Variants in CDH13 observed in about 807,000 individuals in gnomAD.
CDH13 encodes cadherin-13.
CDH13 carries 24 observed loss-of-function variants against 63.8 expected under a neutral mutation model. The observed-to-expected ratio is 0.38, with a 90% CI of 0.27 to 0.53. CDH13 has a LOEUF of 0.53. Among genes scored for constraint, CDH13 ranks in the 20% least tolerant of loss-of-function variants. CDH13 has a pLI of 0.85. For missense variants in CDH13, 1,049 were observed against 903.1 expected (o/e 1.16, Z -2.07); for synonymous variants, 503 against 355.3 (o/e 1.42, Z -4.67).
intron 6 of CDH13, among the ~76,000 whole-genome samples, chr16:83,406,845 T>C (rs1471984471): frequency 6.6e-6 from 1 of 152,222 alleles, no homozygotes; most frequent in Non-Finnish European, 1.5e-5. Flanking sequence ...TCAATGAAGA[T>C]AGCAGAATCT....
rs1246616749 is a variant in CDH13, at chr16:83,779,896, T to C, written c.1682-72T>C. 25 of 979,952 alleles carry C rather than the reference T, an allele frequency of 2.6e-5. No individual in the cohort carries two copies. In the South Asian group the frequency reaches 3.5e-4, roughly 14 times the overall value. The allele number at this position is 979,952 out of a possible 1,614,324, so 60.7% of individuals were successfully genotyped here. The stretch of plus-strand genomic sequence containing the variant: ...ACTGCAAAATATACTAAGTTTACAA[T>C]GCAAAAAGTGCTATGGTAAATTGCT... On this transcript the variant is annotated intron_variant, in intron 11 of 13. Coordinates refer to ENST00000567109, the MANE Select transcript of CDH13 (RefSeq NM_001257.5).
intron 4 of CDH13, among the ~76,000 whole-genome samples, chr16:83,163,837 T>C (rs183402435): frequency 2.0e-5 from 3 of 152,200 alleles, no homozygotes; most frequent in Non-Finnish European, 1.5e-5. Flanking sequence ...TTTTGTTTTA[T>C]TTTGTTCAGT....
At chr16:83,393,802 A>C (rs1178326312) in intron 6 of CDH13, among the ~76,000 whole-genome samples, 1 of 152,196 alleles carries the variant, frequency 6.6e-6, no homozygotes, top group Non-Finnish European at 1.5e-5. Flanking sequence ...GGCCTCAGGG[A>C]GTACATGTTC....
intron 2 of CDH13, among the ~76,000 whole-genome samples, chr16:82,919,101 T>C (rs937541521): frequency 4.6e-5 from 7 of 152,244 alleles, no homozygotes; most frequent in African/African-American, 1.7e-4. Context: ...TAGTAATTGA[T>C]ATGACAAGAA....
chr16:82,923,361 G>T (rs2042214149), intron 2 of CDH13, among the ~76,000 whole-genome samples: 1 of 152,196 alleles, frequency 6.6e-6, no homozygotes, highest in Non-Finnish European at 1.5e-5. Flanking sequence ...TTTATAGTAA[G>T]GGTTCAGTAC....
At position 82,711,041 on chromosome 16, in the gene CDH13, T is replaced by C. The variant is rs924006606; in HGVS notation, c.45+83904T>C. ...CTTGTGCCAGTGTTACAATATCTAG[T>C]AGCTGAAAGTCTGGGCCAGTCATTT... On this transcript the variant is annotated intron_variant, in intron 1 of 13. Coordinates refer to ENST00000567109, the MANE Select transcript of CDH13 (RefSeq NM_001257.5). 4.6e-5 allele frequency among the ~76,000 whole-genome samples: 7 copies of C among 152,064 alleles called. No individual in the cohort carries two copies. The East Asian group carries it at 1.4e-3, about 29-fold the overall frequency.
intron 1 of CDH13, among the ~76,000 whole-genome samples, chr16:82,786,925 C>T (rs529732714): frequency 6.6e-6 from 1 of 152,154 alleles, no homozygotes; most frequent in African/African-American, 2.4e-5. Context: ...AGGGTCATGA[C>T]TGCTTAGCAA....
chr16:82,797,813 A>G (rs954474223), intron 1 of CDH13, among the ~76,000 whole-genome samples: 53 of 108,938 alleles, frequency 4.9e-4, no homozygotes, highest in African/African-American at 1.4e-3. Context: ...GTGTGTATAC[A>G]TGTGTATGTG....
chr16:82,777,167 C>T (rs575569702), intron 1 of CDH13, among the ~76,000 whole-genome samples: 5 of 152,160 alleles, frequency 3.3e-5, no homozygotes, highest in Non-Finnish European at 5.9e-5. Context: ...TAGCATTTCA[C>T]TGTGTTACCC....
chr16:83,343,347 G>A (rs2090768285), intron 5 of CDH13, among the ~76,000 whole-genome samples: 1 of 152,148 alleles, frequency 6.6e-6, no homozygotes, highest in Non-Finnish European at 1.5e-5. Flanking sequence ...ATTGTAATAT[G>A]TTGTTACACA....
intron 5 of CDH13, among the ~76,000 whole-genome samples, chr16:83,315,380 C>CTAAACAGT (rs1259516746): frequency 6.6e-6 from 1 of 152,188 alleles, no homozygotes; most frequent in Non-Finnish European, 1.5e-5. Context: ...CAAACAAATG[C>CTAAACAGT]TAAACAGTAG....
chr16:83,756,212 A>G (rs1186150982), intron 11 of CDH13, among the ~76,000 whole-genome samples: 4 of 152,246 alleles, frequency 2.6e-5, no homozygotes, highest in African/African-American at 9.6e-5. Context: ...ATGGCCAAAT[A>G]GAACAACAAG....
intron 4 of CDH13, among the ~76,000 whole-genome samples, chr16:83,142,768 TC>T (rs11330664): frequency 0.072 from 11,000 of 151,998 alleles, 675 homozygotes; most frequent in African/African-American, 0.17. Flanking sequence ...GAATGAATGG[TC>T]AAAAAAGGCC....
At chr16:82,986,338 C>T (rs956243496) in intron 2 of CDH13, among the ~76,000 whole-genome samples, 4 of 152,188 alleles carry the variant, frequency 2.6e-5, no homozygotes, top group Non-Finnish European at 4.4e-5. Context: ...ACAATCAAAA[C>T]CAAGCCGCTT....
Position 83,191,504 on chromosome 16 carries a change from TACACACAC to T in CDH13, c.484-25821_484-25814del, listed in dbSNP as rs1214690644. On this transcript the variant is annotated intron_variant, in intron 4 of 13. Coordinates refer to ENST00000567109, the MANE Select transcript of CDH13 (RefSeq NM_001257.5). Reference sequence around the variant, plus strand: ...ATATATATATGCACATATATATATATACACACACACACACACACACACACACATATATA... The same window carrying T: ...ATATATATATGCACATATATATATATACACACACACACACACACATATATA... 1.3e-3 allele frequency among the ~76,000 whole-genome samples: 118 copies of T among 93,800 alleles called. 4 individuals carry two copies. Among genetic ancestry groups the T allele is most frequent in the Middle Eastern group, 6.3e-3 (1 of 158 alleles). The allele number at this position is 93,800 out of a possible 152,430, so 61.5% of individuals were successfully genotyped here.
At chr16:83,662,497 A>C (rs1450263662) in intron 8 of CDH13, among the ~76,000 whole-genome samples, 1 of 152,212 alleles carries the variant, frequency 6.6e-6, no homozygotes, top group Non-Finnish European at 1.5e-5. Flanking sequence ...TTACAGATGC[A>C]ATGGCATGTC....
chr16:83,316,350 C>G (rs946810774), intron 5 of CDH13, among the ~76,000 whole-genome samples: 1 of 152,268 alleles, frequency 6.6e-6, no homozygotes, highest in Middle Eastern at 3.4e-3. Flanking sequence ...ATACACTGGC[C>G]TAGTGGAGGG....
At chr16:83,506,533 C>T (rs1390794670) in intron 7 of CDH13, among the ~76,000 whole-genome samples, 1 of 152,186 alleles carries the variant, frequency 6.6e-6, no homozygotes, top group Non-Finnish European at 1.5e-5. Context: ...TTTCTCTTCC[C>T]TCAAAGATAA....
intron 7 of CDH13, among the ~76,000 whole-genome samples, chr16:83,491,078 G>A (rs1567708711): frequency 6.6e-6 from 1 of 152,194 alleles, no homozygotes; most frequent in Non-Finnish European, 1.5e-5. Flanking sequence ...TTCTGGCATG[G>A]ATATATAAAC....
Sources: allele counts gnomAD v4.1 joint callset (sites outside exome capture counted in the v4.1 genomes callset), GRCh38; gene constraint gnomAD v4.1.1; transcripts MANE v1.5; gene names NCBI Gene and HGNC (gene_info 2026-07-23, HGNC 2026-07-21).